CCDC122: variants seen among roughly 807,000 people sequenced by gnomAD.
CCDC122 encodes the protein coiled-coil domain containing 122.
CCDC122 carries 38 observed loss-of-function variants against 37.0 expected under a neutral mutation model. The observed-to-expected ratio is 1.03, with a 90% CI of 0.79 to 1.35. The LOEUF is 1.35. CCDC122 is among the 40% of genes most tolerant of loss of function. The probability of loss-of-function intolerance (pLI) is 0.00; values close to 1 mark genes in which losing one functional copy is unlikely to be tolerated. For synonymous variants in CCDC122, 83 were observed against 95.6 expected (o/e 0.87, Z 0.77); for missense variants, 305 against 310.0 (o/e 0.98, Z 0.12).
At chr13:43,865,037 G>A (rs1274688277) in intron 4 of CCDC122, among the ~76,000 whole-genome samples, 1 of 152,128 alleles carries the variant, frequency 6.6e-6, no homozygotes, top group Non-Finnish European at 1.5e-5. Flanking sequence ...GAAGAGTGGA[G>A]CGCCCAGAGA....
At chr13:43,834,831 G>A (rs1279988877), downstream of CCDC122, among the ~76,000 whole-genome samples, 6 of 151,992 alleles carry the variant, frequency 3.9e-5, no homozygotes, top group Non-Finnish European at 8.8e-5. Flanking sequence ...AGAGGATGTG[G>A]AGAAATAGGA....
chr13:43,852,178 G>A lies in CCDC122; in HGVS notation c.672+6603C>T, dbSNP rs117445997. On this transcript the variant is annotated intron_variant, in intron 6 of 6. Coordinates refer to ENST00000444614, the MANE Select transcript of CCDC122 (RefSeq NM_144974.5). ...GAAATAGAATTCAGAATATGGGAAG[G>A]AAGGTCATTAAGCTATAGAAGTATG... 6.4e-4 allele frequency among the ~76,000 whole-genome samples: 98 copies of A among 152,186 alleles called. No homozygotes were observed. In the East Asian group the frequency reaches 0.016, roughly 24 times the overall value.
rs138613622 is a variant in CCDC122, at chr13:43,850,236, G to T, written c.672+8545C>A. Among the ~76,000 whole-genome samples, 47 of 152,234 alleles carry T rather than the reference G, an allele frequency of 3.1e-4. 1 individual carries two copies. In the East Asian group the frequency reaches 8.1e-3, roughly 26 times the overall value. On this transcript the variant is annotated intron_variant, in intron 6 of 6. Transcript: ENST00000444614. ...GCCACCTGGAAATAGTGAAGATCTA[G>T]AATCTTAAAGCATAATACCCAACAT...
chr13:43,820,807 C>T (rs1462445443), downstream of CCDC122, among the ~76,000 whole-genome samples: 1 of 152,166 alleles, frequency 6.6e-6, no homozygotes, highest in Non-Finnish European at 1.5e-5. Context: ...TTGTGATCCA[C>T]TTTATAGTGT....
At chr13:43,872,003 T>C (rs963309349) in intron 2 of CCDC122, among the ~76,000 whole-genome samples, 2 of 152,138 alleles carry the variant, frequency 1.3e-5, no homozygotes, top group African/African-American at 2.4e-5. Flanking sequence ...TCCACAAAAA[T>C]AGTATATCTA....
At chr13:43,837,465 G>A in intron 6 of CCDC122, 36 bp from the exon 7 acceptor site, 3 of 1,581,996 alleles carry the variant, frequency 1.9e-6, no homozygotes, top group Non-Finnish European at 2.6e-6. Flanking sequence ...CAGGGCTTGT[G>A]AAGTATAAAT....
Position 43,837,418 on chromosome 13 carries a change from C to G in CCDC122, c.684G>C (p.Lys228Asn). 1 of 1,613,686 alleles carries G rather than the reference C, an allele frequency of 6.2e-7. No homozygotes were observed. Among genetic ancestry groups the G allele is most frequent in the Non-Finnish European group, 8.5e-7 (1 of 1,179,892 alleles). The change falls in exon 7 of 7, where the codon AAG becomes AAC. Residue 228 changes from lysine (K) to asparagine (N), a missense_variant. Coordinates refer to ENST00000444614, the MANE Select transcript of CCDC122 (RefSeq NM_144974.5). The part of the protein sequence containing the change: ...KLRKEIEVQH[K>N]RYDAILKRLH... Reference sequence around the variant, plus strand: ...AACGCTTAAGAATTGCATCATACCTCTTATGTTGTACCTATCAAAAGAAGA... The same window carrying G: ...AACGCTTAAGAATTGCATCATACCTGTTATGTTGTACCTATCAAAAGAAGA...
At position 43,845,865 on chromosome 13, in the gene CCDC122, T is replaced by G. The variant is rs559561516; in HGVS notation, c.673-8436A>C. Among the ~76,000 whole-genome samples, 3 of 152,228 alleles carry G rather than the reference T, an allele frequency of 2.0e-5. No individual in the cohort carries two copies. In the South Asian group the frequency reaches 6.2e-4, roughly 31 times the overall value. On this transcript the variant is annotated intron_variant, in intron 6 of 6. Coordinates refer to ENST00000444614, the MANE Select transcript of CCDC122 (RefSeq NM_144974.5). ...ATTTCCATTTGGTTGGTTTATGTGA[T>G]TAAAATCCTCTCTCTTTACCCACAA...
intron 3 of CCDC122, among the ~76,000 whole-genome samples, chr13:43,828,599 C>T (rs1322404370): frequency 2.2e-5 from 3 of 136,324 alleles, no homozygotes; most frequent in Non-Finnish European, 3.2e-5. Context: ...CACACACACA[C>T]GTGTCTTTCT....
chr13:43,847,923 C>T (rs1458977550), intron 6 of CCDC122, among the ~76,000 whole-genome samples: 1 of 152,102 alleles, frequency 6.6e-6, no homozygotes, highest in East Asian at 1.9e-4. Context: ...TACAGGCACA[C>T]ACCACCATGC....
At position 43,859,981 on chromosome 13, in the gene CCDC122, G is replaced by C. The variant is rs771679755; in HGVS notation, c.246C>G (p.Ala82=). 6.3e-6 allele frequency: 10 copies of C among 1,597,540 alleles called. No homozygotes were observed. The South Asian group carries it at 8.0e-5, about 13-fold the overall frequency. ...CACAATGAAGTTTGGTATTCTCTAT[G>C]GCAGAATCTTGTTGATAAATTTGTC... is the stretch of plus-strand genomic sequence containing the variant. The part of the protein sequence containing the change: ...TERQIYQQDS[A]IENTKLHCDS... The change falls in exon 5 of 7, where the codon GCC becomes GCG. Residue 82 remains alanine (A), a synonymous_variant. Coordinates refer to ENST00000444614, the MANE Select transcript of CCDC122 (RefSeq NM_144974.5).
chr13:43,837,523 C>A, intron 6 of CCDC122, 94 bp from the exon 7 acceptor site: 1 of 1,070,024 alleles, frequency 9.3e-7, no homozygotes, highest in South Asian at 1.9e-5. Context: ...GAGGGAAGCA[C>A]TTAATTAGAA....
In CCDC122 at chr13:43,868,679, A is replaced by G. The variant is rs1235595779; in HGVS notation, c.156+15T>C. On this transcript the variant is annotated intron_variant, in intron 4 of 6. Coordinates refer to ENST00000444614, the MANE Select transcript of CCDC122 (RefSeq NM_144974.5). The stretch of plus-strand genomic sequence containing the variant: ...AGAAAGTAAAGACATTTAAAAGACT[A>G]TATAAAGAAGTTACCTTCAAATTGA... 7.5e-7 allele frequency: 1 copy of G among 1,342,006 alleles called. No homozygotes were observed. Among genetic ancestry groups the G allele is most frequent in the Non-Finnish European group, 1.0e-6 (1 of 973,426 alleles). The allele number at this position is 1,342,006 out of a possible 1,614,324, so 83.1% of individuals were successfully genotyped here.
chr13:43,869,600 C>T (rs573458013), intron 2 of CCDC122, 111 bp from the exon 3 acceptor site: 1 of 482,460 alleles, frequency 2.1e-6, no homozygotes, highest in Admixed American at 4.3e-5. Flanking sequence ...GAAAGTAGAA[C>T]TGCATTTGTA....
At chr13:43,863,806 A>C (rs1954189938) in intron 4 of CCDC122, among the ~76,000 whole-genome samples, 1 of 152,184 alleles carries the variant, frequency 6.6e-6, no homozygotes, top group Admixed American at 6.5e-5. Context: ...AAAGGGCCCC[A>C]CCAAGAATAC....
At chr13:43,845,371 T>C (rs1256803284) in intron 6 of CCDC122, among the ~76,000 whole-genome samples, 1 of 152,238 alleles carries the variant, frequency 6.6e-6, no homozygotes, top group Admixed American at 6.5e-5. Context: ...TATCTACATA[T>C]TTTCCATTTC....
At chr13:43,824,952 A>G (rs757250839) in intron 3 of CCDC122, among the ~76,000 whole-genome samples, 70 of 152,338 alleles carry the variant, frequency 4.6e-4, no homozygotes, top group Non-Finnish European at 6.9e-4. Context: ...GTTGGTGGGC[A>G]TGTAAATTAG....
At chr13:43,834,546 T>C (rs1334505843), downstream of CCDC122, among the ~76,000 whole-genome samples, 3 of 152,176 alleles carry the variant, frequency 2.0e-5, no homozygotes, top group Non-Finnish European at 4.4e-5. Context: ...GAGAAAATTT[T>C]TGCAATCTAC....
At chr13:43,854,434 C>T (rs925745565) in intron 6 of CCDC122, 4 of 152,004 alleles carry the variant, frequency 2.6e-5, no homozygotes, top group Admixed American at 6.6e-5. Context: ...GGGAAGAAAT[C>T]GAATCTCTGA....
Sources: allele counts gnomAD v4.1 joint callset (sites outside exome capture counted in the v4.1 genomes callset), GRCh38; gene constraint gnomAD v4.1.1; transcripts MANE v1.5; gene names NCBI Gene and HGNC (gene_info 2026-07-23, HGNC 2026-07-21).